Variants in CFAP299 observed in about 807,000 individuals in gnomAD.
CFAP299 encodes the protein cilia- and flagella-associated protein 299.
Under a neutral mutation model 27.0 loss-of-function variants are expected in CFAP299, and 21 were observed. That is an observed-to-expected ratio of 0.78 (90% CI 0.55 to 1.12). The LOEUF (loss-of-function observed/expected upper bound fraction) is 1.12, where lower values mean the gene tolerates loss of function less well. Among genes scored for constraint, CFAP299 ranks in the 50% most tolerant of loss-of-function variants. The pLI, the probability that CFAP299 is intolerant of heterozygous loss-of-function variation, is 0.00. For synonymous variants in CFAP299, 104 were observed against 98.1 expected (o/e 1.06, Z -0.36); for missense variants, 310 against 276.6 (o/e 1.12, Z -0.86).
At chr4:80,800,531 T>TA (rs374207614) in intron 3 of CFAP299, among the ~76,000 whole-genome samples, 2 of 22,410 alleles carry the variant, frequency 8.9e-5, no homozygotes, top group African/African-American at 5.1e-4. Context: ...TATAATATAT[T>TA]ATATAATATA....
intron 2 of CFAP299, among the ~76,000 whole-genome samples, chr4:80,367,826 G>A (rs1723920269): frequency 6.6e-6 from 1 of 152,174 alleles, no homozygotes; most frequent in Admixed American, 6.5e-5. Flanking sequence ...ACTGGCCATG[G>A]TTTTCTTGCA....
chr4:80,728,097 G>A (rs976315647), intron 3 of CFAP299, among the ~76,000 whole-genome samples: 1 of 151,758 alleles, frequency 6.6e-6, no homozygotes, highest in African/African-American at 2.4e-5. Flanking sequence ...ATAACAAAAT[G>A]TTTTCCAACT....
chr4:80,770,775 A>G (rs970353534), intron 3 of CFAP299, among the ~76,000 whole-genome samples: 12 of 152,080 alleles, frequency 7.9e-5, no homozygotes, highest in Non-Finnish European at 1.5e-5. Context: ...TGCCAAACTT[A>G]GTTCTTTTGG....
At chr4:80,544,155 C>T (rs181152626) in intron 2 of CFAP299, among the ~76,000 whole-genome samples, 165 of 152,208 alleles carry the variant, frequency 1.1e-3, no homozygotes, top group Non-Finnish European at 9.3e-4. Context: ...AAGCAAATGC[C>T]AAGGGAATTT....
rs180943764 is a variant in CFAP299, at chr4:80,928,662, T to C, written c.477-16148T>C. ...AGAATATATTAAGCCAAATAATGTT[T>C]GTTTTTTTTAAAGAACAGAATTTTA... On this transcript the variant is annotated intron_variant, in intron 4 of 5. Coordinates refer to ENST00000358105, the MANE Select transcript of CFAP299 (RefSeq NM_152770.3). 4.0e-3 allele frequency among the ~76,000 whole-genome samples: 616 copies of C among 152,234 alleles called. 1 individual carries two copies. Among genetic ancestry groups the C allele is most frequent in the Middle Eastern group, 0.014 (4 of 294 alleles).
chr4:80,876,019 T>C (rs1421446327), intron 4 of CFAP299, among the ~76,000 whole-genome samples: 1 of 152,058 alleles, frequency 6.6e-6, no homozygotes, highest in African/African-American at 2.4e-5. Flanking sequence ...CAGTCTGAGA[T>C]GATTATGATG....
intron 1 of CFAP299, among the ~76,000 whole-genome samples, chr4:80,361,017 G>A (rs1233968231): frequency 6.6e-6 from 1 of 152,094 alleles, no homozygotes; most frequent in Non-Finnish European, 1.5e-5. Flanking sequence ...ACTTCCTTTG[G>A]GCTAGTAGCT....
At chr4:80,466,256 CTTT>C (rs1729693675) in intron 2 of CFAP299, among the ~76,000 whole-genome samples, 1 of 152,128 alleles carries the variant, frequency 6.6e-6, no homozygotes, top group Non-Finnish European at 1.5e-5. Context: ...GTTAAATGCC[CTTT>C]TTGAGTCCAG....
At chr4:80,437,870 ATTG>A (rs1354718710) in intron 2 of CFAP299, among the ~76,000 whole-genome samples, 2 of 152,018 alleles carry the variant, frequency 1.3e-5, no homozygotes, top group Admixed American at 6.6e-5. Context: ...TTATAGCACT[ATTG>A]TTGTTGTCCT....
chr4:80,426,001 T>A (rs185934652), intron 2 of CFAP299, among the ~76,000 whole-genome samples: 63 of 152,236 alleles, frequency 4.1e-4, no homozygotes, highest in Non-Finnish European at 1.9e-4. Flanking sequence ...TTTGTGCAAG[T>A]ACACAAAAGA....
intron 3 of CFAP299, among the ~76,000 whole-genome samples, chr4:80,766,878 T>G (rs1725894709): frequency 6.6e-6 from 1 of 152,178 alleles, no homozygotes; most frequent in Non-Finnish European, 1.5e-5. Flanking sequence ...GAGAGTCAAT[T>G]TGTTAAAATA....
At chr4:80,862,097 C>T (rs775514175) in intron 3 of CFAP299, among the ~76,000 whole-genome samples, 1 of 152,124 alleles carries the variant, frequency 6.6e-6, no homozygotes, top group African/African-American at 2.4e-5. Context: ...TAGTCAGGTG[C>T]AGTGGTTCAT....
intron 2 of CFAP299, among the ~76,000 whole-genome samples, chr4:80,494,238 T>C (rs1177235851): frequency 1.3e-5 from 2 of 152,196 alleles, no homozygotes; most frequent in Non-Finnish European, 2.9e-5. Flanking sequence ...GCAAGTCCTA[T>C]TGGTTCTACC....
chr4:80,400,227 C>T (rs888953991), intron 2 of CFAP299, among the ~76,000 whole-genome samples: 2 of 152,262 alleles, frequency 1.3e-5, no homozygotes, highest in Admixed American at 6.5e-5. Flanking sequence ...AGCATTTTAA[C>T]TATCCTTTGC....
chr4:80,493,558 G>A (rs1286464784), intron 2 of CFAP299, among the ~76,000 whole-genome samples: 2 of 152,120 alleles, frequency 1.3e-5, no homozygotes, highest in Admixed American at 6.5e-5. Flanking sequence ...TCAGGGTGGA[G>A]TAGGTAATCG....
intron 2 of CFAP299, among the ~76,000 whole-genome samples, chr4:80,574,898 A>C (rs1218476839): frequency 1.3e-5 from 2 of 152,150 alleles, no homozygotes; most frequent in Non-Finnish European, 2.9e-5. Context: ...AATGTTCATC[A>C]GGGATATTGG....
intron 5 of CFAP299, among the ~76,000 whole-genome samples, chr4:80,958,960 ATAAACTACAGGGACC>A (rs1409141995): frequency 6.6e-6 from 1 of 152,214 alleles, no homozygotes; most frequent in African/African-American, 2.4e-5. Context: ...AGTACTATCA[ATAAACTACAGGGACC>A]TAAAATCACT....
At chr4:80,489,648 C>T (rs143818736) in intron 2 of CFAP299, among the ~76,000 whole-genome samples, 1 of 152,306 alleles carries the variant, frequency 6.6e-6, no homozygotes, top group African/African-American at 2.4e-5. Context: ...GAGTTCATTT[C>T]TCTGCCTCTG....
At chr4:80,519,561 T>TA (rs1200701067) in intron 2 of CFAP299, among the ~76,000 whole-genome samples, 2 of 152,156 alleles carry the variant, frequency 1.3e-5, no homozygotes, top group African/African-American at 2.4e-5. Flanking sequence ...CTTTGAAGAA[T>TA]AATTAATGTG....
Sources: allele counts gnomAD v4.1 joint callset (sites outside exome capture counted in the v4.1 genomes callset), GRCh38; gene constraint gnomAD v4.1.1; transcripts MANE v1.5; gene names NCBI Gene and HGNC (gene_info 2026-07-23, HGNC 2026-07-21).